Variants in WWP2 observed in about 807,000 individuals in gnomAD.
The protein encoded by WWP2 is NEDD4-like E3 ubiquitin-protein ligase WWP2.
Under a neutral mutation model 121.0 loss-of-function variants are expected in WWP2, and 57 were observed. That is an observed-to-expected ratio of 0.47 (90% CI 0.38 to 0.59). WWP2 has a LOEUF of 0.59. Ranked by LOEUF, WWP2 falls within the 20% of genes least tolerant of loss-of-function variation. The pLI, the probability that WWP2 is intolerant of heterozygous loss-of-function variation, is 0.00. For synonymous variants in WWP2, 449 were observed against 441.3 expected (o/e 1.02, Z -0.22); for missense variants, 962 against 1,158.9 (o/e 0.83, Z 2.47).
intron 9 of WWP2, among the ~76,000 whole-genome samples, chr16:69,912,582 T>G (rs143021544): frequency 2.1e-4 from 32 of 152,132 alleles, no homozygotes; most frequent in African/African-American, 7.7e-4. Context: ...TTTGTTTGTT[T>G]GTTTGTTTTT....
chr16:69,847,149 A>G (rs1235270133), intron 6 of WWP2, among the ~76,000 whole-genome samples: 1 of 152,044 alleles, frequency 6.6e-6, no homozygotes, highest in Non-Finnish European at 1.5e-5. Context: ...CAGTGCCACG[A>G]TCTCGGCTCA....
At chr16:69,798,599 A>G (rs2056096781) in intron 2 of WWP2, 83 bp from the exon 3 acceptor site, 11 of 1,461,830 alleles carry the variant, frequency 7.5e-6, no homozygotes, top group East Asian at 2.3e-5. Flanking sequence ...AGCAATAACT[A>G]AAAAGAGCCG....
intron 8 of WWP2, among the ~76,000 whole-genome samples, chr16:69,899,660 C>T (rs998408500): frequency 1.6e-5 from 2 of 125,652 alleles, no homozygotes; most frequent in Non-Finnish European, 3.1e-5. Context: ...ACCCGGGAGG[C>T]GGAGGTTGCA....
In WWP2 at chr16:69,931,853, C is replaced by T. The variant is rs945746204; in HGVS notation, c.1645C>T (p.Arg549Cys). 10 of 1,613,588 alleles carry T rather than the reference C, an allele frequency of 6.2e-6. No homozygotes were observed. Among genetic ancestry groups the T allele is most frequent in the Non-Finnish European group, 6.8e-6 (8 of 1,180,006 alleles). ...DLRRRLYIIM[R>C]GEEGLDYGGI... ...GCGCCGCCGGCTCTACATCATCATG[C>T]GTGGCGAGGAGGGCCTGGACTATGG... Residue 549 changes from arginine (R) to cysteine (C), a missense_variant, in exon 16 of 24, where the codon CGT (arginine) becomes TGT (cysteine). Arg to Cys is a radical substitution (Grantham distance 180, BLOSUM62 -3). Around this residue, in one of 3 missense-constraint regions of WWP2, gnomAD observed 606 missense variants for 772.6 expected, o/e 0.78. Transcript: ENST00000359154.
chr16:69,840,410 G>A, intron 5 of WWP2, 147 bp downstream of exon 5: 1 of 990,500 alleles, frequency 1.0e-6, no homozygotes, highest in Non-Finnish European at 1.5e-6. Flanking sequence ...ACTCTTCTTA[G>A]CTCCGTGGAT....
chr16:69,811,065 A>C (rs996658501), intron 4 of WWP2, among the ~76,000 whole-genome samples: 1 of 152,048 alleles, frequency 6.6e-6, no homozygotes, highest in Non-Finnish European at 1.5e-5. Context: ...GGAATTTTCA[A>C]ACATAATTTT....
chr16:69,835,741 T>C (rs1330016512), intron 4 of WWP2, among the ~76,000 whole-genome samples: 1 of 152,172 alleles, frequency 6.6e-6, no homozygotes, highest in African/African-American at 2.4e-5. Context: ...TAACTGCATA[T>C]ATCATTCTCA....
Position 69,925,382 on chromosome 16 carries a change from C to T in WWP2, c.1180-48C>T. ...TTTATTGATTGATTGATTTTTTCAC[C>T]AGTGGCTTTTTGTAACCTCTGTGTT... On this transcript the variant is annotated intron_variant, in intron 10 of 23. Transcript: ENST00000359154. The surrounding 1 kb of genome is among the most constrained non-coding windows in gnomAD (Gnocchi z 4.0). 6.3e-6 allele frequency: 10 copies of T among 1,585,844 alleles called. No homozygotes were observed. Among genetic ancestry groups the T allele is most frequent in the Non-Finnish European group, 8.6e-6 (10 of 1,166,756 alleles).
chr16:69,828,234 C>G lies in WWP2; in HGVS notation c.341-11892C>G, dbSNP rs562838713. Among the ~76,000 whole-genome samples, 6 of 152,226 alleles carry G rather than the reference C, an allele frequency of 3.9e-5. 1 individual carries two copies. Among genetic ancestry groups the G allele is most frequent in the African/African-American group, 1.4e-4 (6 of 41,528 alleles). ...TCCACCTTCCTTTCTTTCCCTCCTC[C>G]TAAGGGCAGATGCCCCATCCATGCT... On this transcript the variant is annotated intron_variant, in intron 4 of 23. Coordinates refer to ENST00000359154, the MANE Select transcript of WWP2 (RefSeq NM_001270454.2).
intron 1 of WWP2, among the ~76,000 whole-genome samples, chr16:69,763,936 G>A (rs1238407841): frequency 6.6e-6 from 1 of 152,182 alleles, no homozygotes; most frequent in East Asian, 1.9e-4. Context: ...ATGAAAACAG[G>A]CTCGAGAGAA....
intron 10 of WWP2, 61 bp downstream of exon 10, chr16:69,917,944 C>CCT (rs3215101): frequency 0.68 from 1,075,719 of 1,572,754 alleles, 371,151 homozygotes; most frequent in East Asian, 0.96. Context: ...GAATGTGCAG[C>CCT]CACGTGTTCT....
intron 14 of WWP2, 57 bp downstream of exon 14, chr16:69,931,284 T>G (rs2058707763): frequency 6.3e-7 from 1 of 1,598,068 alleles, no homozygotes; most frequent in South Asian, 1.1e-5. Flanking sequence ...TATTTCAGTG[T>G]GAGTTCCCGG....
chr16:69,825,763 C>T (rs2056676240), intron 4 of WWP2, among the ~76,000 whole-genome samples: 1 of 151,244 alleles, frequency 6.6e-6, no homozygotes, highest in Non-Finnish European at 1.5e-5. Flanking sequence ...GTAGATGGGA[C>T]CACAGGTGCA....
chr16:69,795,788 C>T (rs543420717), intron 2 of WWP2, among the ~76,000 whole-genome samples: 19 of 148,676 alleles, frequency 1.3e-4, no homozygotes, highest in African/African-American at 4.7e-4. Context: ...GCTGGGACTA[C>T]TGTTGTGCCC....
At chr16:69,886,908 A>C (rs1220227896) in intron 7 of WWP2, among the ~76,000 whole-genome samples, 4 of 152,238 alleles carry the variant, frequency 2.6e-5, no homozygotes, top group Non-Finnish European at 2.9e-5. Flanking sequence ...CTGCATTAGG[A>C]AGATGAGGCT....
At chr16:69,844,176 T>A (rs2057027849) in intron 6 of WWP2, among the ~76,000 whole-genome samples, 1 of 152,200 alleles carries the variant, frequency 6.6e-6, no homozygotes, top group South Asian at 2.1e-4. Flanking sequence ...CCAGTCATGT[T>A]TTCCGTGTCT....
intron 17 of WWP2, 29 bp downstream of exon 17, chr16:69,934,158 T>A: frequency 4.3e-6 from 7 of 1,611,048 alleles, no homozygotes; most frequent in Non-Finnish European, 5.9e-6. Context: ...TCTGCCTAGT[T>A]CCCTCCTCCT....
intron 8 of WWP2, among the ~76,000 whole-genome samples, chr16:69,895,812 G>T (rs2058097121): frequency 3.3e-5 from 5 of 152,180 alleles, no homozygotes; most frequent in Admixed American, 3.3e-4. Flanking sequence ...TACTTTTCTG[G>T]TCACAGAACA....
At position 69,799,467 on chromosome 16, in the gene WWP2, TAC is replaced by T; in HGVS notation, c.340+174_340+175del. The T allele has an allele frequency of 1.2e-6, 1 of 851,026 alleles. No homozygotes were observed. The highest frequency in any genetic ancestry group is 1.7e-6 in the Non-Finnish European group (1 of 575,858). 52.7% of individuals were successfully genotyped at this position (851,026 alleles called of 1,614,324 possible). A position where few individuals can be genotyped will look rare whatever the true frequency, so the allele number is the denominator to read the frequency against. ...GCTGAGGGCTCCTCTCTGCCTCCAC[TAC>T]AGAGTTTAGCCCTCTTTGTCCAGGG... On this transcript the variant is annotated intron_variant, in intron 4 of 23. Transcript: ENST00000359154. The surrounding 1 kb of genome is among the most constrained non-coding windows in gnomAD (Gnocchi z 4.5).
Sources: gnomAD v4.1 joint callset for allele counts (sites outside exome capture counted in the v4.1 genomes callset) on GRCh38, gnomAD v4.1.1 for gene constraint, gnomAD v4.1.1 regional missense constraint, Gnocchi (gnomAD v3.1) non-coding constraint, MANE v1.5 for transcripts, NCBI Gene and HGNC (gene_info 2026-07-23, HGNC 2026-07-21) for gene names.